Variants in TMPRSS6 observed in about 807,000 individuals in gnomAD.
TMPRSS6 encodes the protein transmembrane protease serine 6.
Under a neutral mutation model 101.5 loss-of-function variants are expected in TMPRSS6, and 67 were observed. The observed-to-expected ratio is 0.66, with a 90% CI of 0.54 to 0.81. The LOEUF (loss-of-function observed/expected upper bound fraction) is 0.81. TMPRSS6 is among the 30% of genes least tolerant of loss of function. TMPRSS6 has a pLI of 0.00. For missense variants in TMPRSS6, 1,034 were observed against 1,088.7 expected (o/e 0.95, Z 0.71); for synonymous variants, 453 against 464.9 (o/e 0.97, Z 0.33).
At chr22:37,075,982 A>AAAGAAAGAGAAAGAAAG (rs1927614379) in intron 10 of TMPRSS6, among the ~76,000 whole-genome samples, 2 of 151,252 alleles carry the variant, frequency 1.3e-5, no homozygotes, top group African/African-American at 4.9e-5. Context: ...AAAAAGAAAG[A>AAAGAAAGAGAAAGAAAG]AAGAAAGAGA....
chr22:37,070,344 G>T, intron 15 of TMPRSS6, 140 bp downstream of exon 15: 2 of 1,117,054 alleles, frequency 1.8e-6, no homozygotes, highest in Admixed American at 1.8e-5. Flanking sequence ...GCCAGGACTA[G>T]AACTCACATC....
Position 37,096,652 on chromosome 22 carries a change from A to G in TMPRSS6, c.400T>C (p.Phe134Leu), listed in dbSNP as rs1929788424. The G allele has an allele frequency of 2.6e-6, 4 of 1,562,766 alleles. No individual in the cohort carries two copies. The highest frequency in any genetic ancestry group is 3.5e-6 in the Non-Finnish European group (4 of 1,152,550). ...TCAGGGGCAAGGACAACTCACCCAA[A>G]GGAATAGACGGAGCTGGAGTTGTAG... ...TYYNSSSVYS[F>L]GEGPLTCFFW... is the part of the protein sequence containing the mutation. Residue 134 changes from phenylalanine (F) to leucine (L), a missense_variant, in exon 4 of 18, where the codon TTT becomes CTT. By Grantham distance (22) the Phe-to-Leu change is conservative. Coordinates refer to ENST00000676104, the MANE Select transcript of TMPRSS6 (RefSeq NM_001374504.1).
At chr22:37,108,381 C>T (rs1930846174) in intron 1 of TMPRSS6, among the ~76,000 whole-genome samples, 1 of 152,218 alleles carries the variant, frequency 6.6e-6, no homozygotes, top group Non-Finnish European at 1.5e-5. Context: ...CGATGTGCAG[C>T]TTACCTGTGG....
intron 13 of TMPRSS6, 119 bp from the exon 14 acceptor site, chr22:37,071,151 CTT>C (rs1926864376): frequency 6.6e-6 from 6 of 902,360 alleles, no homozygotes; most frequent in Non-Finnish European, 1.1e-5. Flanking sequence ...ACTAGAGAGT[CTT>C]TTCCTGAGTC....
intron 6 of TMPRSS6, 49 bp downstream of exon 6, chr22:37,095,502 A>G: frequency 6.2e-7 from 1 of 1,609,424 alleles, no homozygotes. Flanking sequence ...AAGTCAAGAC[A>G]AATGCCAACT....
Position 37,109,604 on chromosome 22 carries a change from GGATCAA to G in TMPRSS6, c.-109_-104del, listed in dbSNP as rs1930946922. 1 of 152,348 alleles carries G rather than the reference GGATCAA, an allele frequency of 6.6e-6. No individual in the cohort carries two copies. Among genetic ancestry groups the G allele is most frequent in the Non-Finnish European group, 1.5e-5 (1 of 68,156 alleles). The allele number at this position is 152,348 out of a possible 1,614,324, so 9.4% of individuals were successfully genotyped here. On this transcript the variant is annotated 5_prime_UTR_variant, in exon 1 of 18. An upstream open reading frame in the 5' UTR loses its in-frame stop. Transcript: ENST00000676104. ...CACCCCCACCCAGCCAGCCCAGGCT[GGATCAA>G]TGGCCTAGAGCCATGACCAGGGTGT...
chr22:37,066,378 C>T, intron 17 of TMPRSS6, 140 bp from the exon 18 acceptor site: 1 of 941,934 alleles, frequency 1.1e-6, no homozygotes, highest in South Asian at 1.7e-5. Context: ...CTCTGCTTTC[C>T]CCTCGCCTGC....
chr22:37,077,091 T>G (rs1263782031), intron 10 of TMPRSS6, among the ~76,000 whole-genome samples: 1 of 152,240 alleles, frequency 6.6e-6, no homozygotes, highest in Non-Finnish European at 1.5e-5. Flanking sequence ...TCCAGGTGTG[T>G]GGCTGGGGCT....
rs193042139 is a variant in TMPRSS6 at position 37,079,044 on chromosome 22, C to T, written c.1197-3764G>A. The stretch of plus-strand genomic sequence containing the variant: ...GAAAGAGAGAAAGAAAGAAAAGCCC[C>T]GAAAACACCACTGGACTACCCTACC... On this transcript the variant is annotated intron_variant, in intron 10 of 17. Coordinates refer to ENST00000676104, the MANE Select transcript of TMPRSS6 (RefSeq NM_001374504.1). Among the ~76,000 whole-genome samples, 31 of 124,990 alleles carry T rather than the reference C, an allele frequency of 2.5e-4. No homozygotes were observed. In the East Asian group the frequency reaches 8.5e-3, roughly 34 times the overall value. The allele number at this position is 124,990 out of a possible 152,430, so 82.0% of individuals were successfully genotyped here.
Position 37,095,941 on chromosome 22 carries a change from T to C in TMPRSS6, c.554A>G (p.Glu185Gly), listed in dbSNP as rs1929719672. The change falls in exon 5 of 18, where the codon GAG (glutamate) becomes GGG (glycine). Residue 185 changes from glutamate to glycine, a missense_variant. Glu to Gly is a moderately conservative substitution (Grantham distance 98). Transcript: ENST00000676104. ...TAGGCCCTCGGGGTCCACTTCGTACTCGGCCCTGTAGGGGACGGCAGCCGA... is the reference window on the plus strand; with the variant it reads ...TAGGCCCTCGGGGTCCACTTCGTACCCGGCCCTGTAGGGGACGGCAGCCGA... ...NSSAAVPYRA[E>G]YEVDPEGLVI... 6.2e-7 allele frequency: 1 copy of C among 1,614,044 alleles called. No homozygotes were observed. Among genetic ancestry groups the C allele is most frequent in the African/African-American group, 1.3e-5 (1 of 74,942 alleles).
At chr22:37,078,309 G>C (rs547262281) in intron 10 of TMPRSS6, among the ~76,000 whole-genome samples, 2 of 152,262 alleles carry the variant, frequency 1.3e-5, no homozygotes, top group Non-Finnish European at 1.5e-5. Flanking sequence ...CCTTGGGCAG[G>C]GGCTGTAAGG....
Position 37,086,370 on chromosome 22 carries a change from C to T in TMPRSS6, c.886G>A (p.Gly296Arg). ...QEPVVEVLASGAIMAVVWKKG... is the reference protein window; with the variant it reads ...QEPVVEVLASRAIMAVVWKKG... Reference sequence around the variant, plus strand: ...TTCCAGACGACCGCCATGATGGCCCCCGACGCCAGAACCTCCACCACGGGC... The same window carrying T: ...TTCCAGACGACCGCCATGATGGCCCTCGACGCCAGAACCTCCACCACGGGC... Residue 296 changes from glycine (G) to arginine (R), a missense_variant, in exon 8 of 18, where the codon GGG becomes AGG. Transcript: ENST00000676104. The T allele has an allele frequency of 6.2e-7, 1 of 1,611,172 alleles. No individual in the cohort carries two copies.
At chr22:37,108,116 C>T (rs981028478) in intron 1 of TMPRSS6, among the ~76,000 whole-genome samples, 4 of 152,194 alleles carry the variant, frequency 2.6e-5, no homozygotes, top group South Asian at 2.1e-4. Context: ...ACTGGACTTC[C>T]ATTGGTGAGA....
chr22:37,098,005 A>G (rs113560041), intron 3 of TMPRSS6, among the ~76,000 whole-genome samples: 1 of 44,668 alleles, frequency 2.2e-5, no homozygotes, highest in African/African-American at 9.0e-5. Flanking sequence ...GAGGGGCAGG[A>G]GCGGCCACCG....
chr22:37,078,815 GAGA>G (rs1200178070), intron 10 of TMPRSS6, among the ~76,000 whole-genome samples: 49 of 148,168 alleles, frequency 3.3e-4, no homozygotes, highest in South Asian at 8.7e-4. Flanking sequence ...AGAGGAGAAG[GAGA>G]AGAAGAAGAA....
chr22:37,089,494 A>C (rs1929040027), intron 7 of TMPRSS6, 84 bp downstream of exon 7: 1 of 1,357,152 alleles, frequency 7.4e-7, no homozygotes, highest in Non-Finnish European at 1.0e-6. Context: ...CCCTTGTCTA[A>C]GAATGCTGTG....
chr22:37,080,892 GGAAGA>G (rs1368553521), intron 10 of TMPRSS6, among the ~76,000 whole-genome samples: 7 of 152,262 alleles, frequency 4.6e-5, no homozygotes, highest in Non-Finnish European at 7.3e-5. Context: ...AGGCTCAGAG[GGAAGA>G]ATCGCACACG....
At chr22:37,086,539 G>A (rs1601549050) in intron 7 of TMPRSS6, 120 bp from the exon 8 acceptor site, 17 of 1,087,798 alleles carry the variant, frequency 1.6e-5, no homozygotes, top group East Asian at 7.7e-5. Context: ...TTCTGGGTCC[G>A]GGTCTCCTAC....
Position 37,068,985 on chromosome 22 carries a change from C to T in TMPRSS6, c.2113+88G>A, listed in dbSNP as rs189391578. The T allele has an allele frequency of 3.4e-4, 504 of 1,503,088 alleles. 6 individuals are homozygous for T. In the African/African-American group the frequency reaches 6.5e-3, roughly 19 times the overall value. 93.1% of individuals were successfully genotyped at this position (1,503,088 alleles called of 1,614,324 possible). A position where few individuals can be genotyped will look rare whatever the true frequency, so the allele number is the denominator to read the frequency against. On this transcript the variant is annotated intron_variant, in intron 16 of 17. Coordinates refer to ENST00000676104, the MANE Select transcript of TMPRSS6 (RefSeq NM_001374504.1). Reference sequence around the variant, plus strand: ...GCCTATGGGGTGGAGCCCCGGGACCCCCAGCCCCGCCCTTCTCCAGGCCAG... The same window carrying T: ...GCCTATGGGGTGGAGCCCCGGGACCTCCAGCCCCGCCCTTCTCCAGGCCAG...
Sources: gnomAD v4.1 joint callset for allele counts (sites outside exome capture counted in the v4.1 genomes callset) on GRCh38, gnomAD v4.1.1 for gene constraint, MANE v1.5 for transcripts, NCBI Gene and HGNC (gene_info 2026-07-23, HGNC 2026-07-21) for gene names.